C5AR2: variants seen among roughly 807,000 people sequenced by gnomAD.
C5AR2 encodes the protein complement C5a receptor 2, also known as C5a anaphylatoxin chemotactic receptor 2.
For missense variants in C5AR2, 458 were observed against 467.5 expected (o/e 0.98, Z 0.19); for synonymous variants, 224 against 216.5 (o/e 1.03, Z -0.30).
chr19:47,338,174 G>T (rs368606445), intron 1 of C5AR2, among the ~76,000 whole-genome samples: 2 of 152,084 alleles, frequency 1.3e-5, no homozygotes, highest in Non-Finnish European at 2.9e-5. Context: ...TACTCAGGGG[G>T]CAGAGGTGGG....
intron 1 of C5AR2, among the ~76,000 whole-genome samples, chr19:47,340,492 A>G (rs954963297): frequency 4.0e-5 from 6 of 151,728 alleles, no homozygotes; most frequent in African/African-American, 1.5e-4. Context: ...GGTGCCCGCC[A>G]CCACACCCAG....
In C5AR2 at chr19:47,341,831, GGTGT is replaced by G; in HGVS notation, c.*21_*24del. On this transcript the variant is annotated 3_prime_UTR_variant, in exon 2 of 2. Coordinates refer to ENST00000595464, the MANE Select transcript of C5AR2 (RefSeq NM_001271749.2). This position sits in a 1 kb window ranked among gnomAD's most constrained non-coding sequence, Gnocchi z 4.6. ...AGGTGTAGGCTGGAGAGACATTGTG[GGTGT>G]GTATCTTCTTATCTCATTTCACAAG... 1 of 1,608,288 alleles carries G rather than the reference GGTGT, an allele frequency of 6.2e-7. No homozygotes were observed. The highest frequency in any genetic ancestry group is 8.5e-7 in the Non-Finnish European group (1 of 1,176,024).
Position 47,341,088 on chromosome 19 carries a change from G to A in C5AR2, c.289G>A (p.Gly97Arg), listed in dbSNP as rs768588892. ...LPILAVPIARGGHWPYGAVGC... is the reference protein window; with the variant it reads ...LPILAVPIARRGHWPYGAVGC... ...CATCCTGGCAGTGCCCATTGCCCGTGGAGGCCACTGGCCGTATGGTGCAGT... is the reference window on the plus strand; with the variant it reads ...CATCCTGGCAGTGCCCATTGCCCGTAGAGGCCACTGGCCGTATGGTGCAGT... The change falls in exon 2 of 2, where the codon GGA becomes AGA. Residue 97 changes from glycine (G) to arginine (R), a missense_variant. Transcript: ENST00000595464. The surrounding 1 kb of genome is among the most constrained non-coding windows in gnomAD (Gnocchi z 4.6). The A allele has an allele frequency of 1.2e-6, 2 of 1,604,906 alleles. No homozygotes were observed. The highest frequency in any genetic ancestry group is 1.7e-6 in the Non-Finnish European group (2 of 1,179,900).
chr19:47,338,899 A>G (rs751482408), intron 1 of C5AR2, among the ~76,000 whole-genome samples: 21 of 152,100 alleles, frequency 1.4e-4, no homozygotes, highest in Non-Finnish European at 2.4e-4. Context: ...CACGCCTGTA[A>G]TCCCAGCACT....
chr19:47,333,472 A>T (rs997530920), intron 1 of C5AR2, among the ~76,000 whole-genome samples: 2 of 152,038 alleles, frequency 1.3e-5, no homozygotes, highest in South Asian at 4.1e-4. Flanking sequence ...ACATTCTGGC[A>T]CATGTATTCT....
chr19:47,341,067 C>T lies in C5AR2; in HGVS notation c.268C>T (p.Leu90=). The stretch of plus-strand genomic sequence containing the variant: ...GCTGTGCTGTTTGTCTCTGCCCATC[C>T]TGGCAGTGCCCATTGCCCGTGGAGG... ...DLLCCLSLPI[L]AVPIARGGHW... The change falls in exon 2 of 2, where the codon CTG becomes TTG. Residue 90 remains leucine, a synonymous_variant. Coordinates refer to ENST00000595464, the MANE Select transcript of C5AR2 (RefSeq NM_001271749.2). This position sits in a 1 kb window ranked among gnomAD's most constrained non-coding sequence, Gnocchi z 4.6. 6.2e-7 allele frequency: 1 copy of T among 1,605,888 alleles called. No individual in the cohort carries two copies. The highest frequency in any genetic ancestry group is 2.2e-5 in the East Asian group (1 of 44,894).
Position 47,340,782 on chromosome 19 carries a change from C to A in C5AR2, c.-15-3C>A. ...GTTTTCATCGTCTTTCTCTCCTGCC[C>A]AGACACCAGGAGCCTGAATGGGGAA... On this transcript the variant is annotated splice_region_variant and splice_polypyrimidine_tract_variant and intron_variant, in intron 1 of 1. Coordinates refer to ENST00000595464, the MANE Select transcript of C5AR2 (RefSeq NM_001271749.2). 2 of 1,612,846 alleles carry A rather than the reference C, an allele frequency of 1.2e-6. No homozygotes were observed. The highest frequency in any genetic ancestry group is 2.2e-5 in the South Asian group (2 of 91,056).
intron 1 of C5AR2, chr19:47,337,289 A>C (rs1381167714): frequency 6.6e-6 from 1 of 152,326 alleles, no homozygotes; most frequent in Non-Finnish European, 1.5e-5. Context: ...GCTGCCTGCC[A>C]GCTCTCCAGA....
At chr19:47,334,184 G>A (rs1047903803) in intron 1 of C5AR2, among the ~76,000 whole-genome samples, 2 of 152,102 alleles carry the variant, frequency 1.3e-5, no homozygotes, top group African/African-American at 4.8e-5. Context: ...TCAAGGGTTT[G>A]TGTTGAGGGT....
At chr19:47,336,502 TTTCTTTC>T (rs2059359141) in intron 1 of C5AR2, among the ~76,000 whole-genome samples, 1 of 147,794 alleles carries the variant, frequency 6.8e-6, no homozygotes. Context: ...TCTTTCTTTC[TTTCTTTC>T]TTTTTCTTTC....
At position 47,341,453 on chromosome 19, in the gene C5AR2, C is replaced by A. The variant is rs1334933146; in HGVS notation, c.654C>A (p.Ser218Arg). 2 of 1,611,986 alleles carry A rather than the reference C, an allele frequency of 1.2e-6. No homozygotes were observed. The highest frequency in any genetic ancestry group is 3.3e-5 in the Admixed American group (2 of 60,020). Residue 218 changes from serine (S) to arginine (R), a missense_variant, in exon 2 of 2, where the codon AGC (serine) becomes AGA (arginine). Ser to Arg is a moderately radical substitution (Grantham distance 110). Transcript: ENST00000595464. This position sits in a 1 kb window ranked among gnomAD's most constrained non-coding sequence, Gnocchi z 4.6. ...TGGGGCCCCTGGTGGCCGTGGCCAG[C>A]TGCCACAGTGCCCTCCTGTGCTGGG... ...GFLGPLVAVA[S>R]CHSALLCWAA...
chr19:47,336,568 C>T (rs879345414), intron 1 of C5AR2, among the ~76,000 whole-genome samples: 8 of 151,434 alleles, frequency 5.3e-5, no homozygotes, highest in Non-Finnish European at 8.8e-5. Flanking sequence ...AGTGCAGTGG[C>T]GCGATCATGG....
At position 47,342,614 on chromosome 19, in the gene C5AR2, C is replaced by G. The variant is rs1969059372; in HGVS notation, c.*801C>G. 1.3e-5 allele frequency: 2 copies of G among 152,038 alleles called. No homozygotes were observed. Among genetic ancestry groups the G allele is most frequent in the African/African-American group, 2.4e-5 (1 of 41,514 alleles). 9.4% of individuals were successfully genotyped at this position (152,038 alleles called of 1,614,324 possible). A position where few individuals can be genotyped will look rare whatever the true frequency, so the allele number is the denominator to read the frequency against. The stretch of plus-strand genomic sequence containing the variant: ...GCCAGGATGGTCTTGATCTCCTGAC[C>G]TGGTGATCCACCCGCCTCAGCCTCC... On this transcript the variant is annotated 3_prime_UTR_variant, in exon 2 of 2. Coordinates refer to ENST00000595464, the MANE Select transcript of C5AR2 (RefSeq NM_001271749.2).
chr19:47,342,078 T>C lies in C5AR2; in HGVS notation c.*265T>C, dbSNP rs1969048537. The C allele has an allele frequency of 2.5e-6, 1 of 403,498 alleles. No homozygotes were observed. Among genetic ancestry groups the C allele is most frequent in the East Asian group, 4.7e-5 (1 of 21,388 alleles). 25.0% of individuals were successfully genotyped at this position (403,498 alleles called of 1,614,324 possible). Reference sequence around the variant, plus strand: ...CTATAAACAAAGATATATAGGGCCATTTGCGGTGGCTCACGCCTGTAATTC... The same window carrying C: ...CTATAAACAAAGATATATAGGGCCACTTGCGGTGGCTCACGCCTGTAATTC... On this transcript the variant is annotated 3_prime_UTR_variant, in exon 2 of 2. Transcript: ENST00000595464.
At chr19:47,333,602 TTTG>T in intron 1 of C5AR2, among the ~76,000 whole-genome samples, 1 of 150,232 alleles carries the variant, frequency 6.7e-6, no homozygotes, top group African/African-American at 2.5e-5. Context: ...TTTTTTTTTT[TTTG>T]AGATGGAGTC....
At position 47,342,277 on chromosome 19, in the gene C5AR2, A is replaced by G. The variant is rs141494282; in HGVS notation, c.*464A>G. The G allele has an allele frequency of 0.011, 1,744 of 153,110 alleles. 25 individuals are homozygous for G. The highest frequency in any genetic ancestry group is 0.085 in the Middle Eastern group (25 of 294). 9.5% of individuals were successfully genotyped at this position (153,110 alleles called of 1,614,324 possible). A position where few individuals can be genotyped will look rare whatever the true frequency, so the allele number is the denominator to read the frequency against. On this transcript the variant is annotated 3_prime_UTR_variant, in exon 2 of 2. Transcript: ENST00000595464. Reference sequence around the variant, plus strand: ...GGCTGAGGCAGAAGAATCGTTTTGAACCCGGGAGGCAGAGGTGACAGTGAG... The same window carrying G: ...GGCTGAGGCAGAAGAATCGTTTTGAGCCCGGGAGGCAGAGGTGACAGTGAG...
rs772570187 is a variant in C5AR2, at chr19:47,341,569, C to A, written c.770C>A (p.Thr257Asn). The stretch of plus-strand genomic sequence containing the variant: ...TACCACCTGCTGGGGCTGGTGCTCA[C>A]TGTGGCGGCCCCGAACTCCGCACTC... ...APYHLLGLVL[T>N]VAAPNSALLA... The change falls in exon 2 of 2, where the codon ACT becomes AAT. Residue 257 changes from threonine (T) to asparagine (N), a missense_variant. Coordinates refer to ENST00000595464, the MANE Select transcript of C5AR2 (RefSeq NM_001271749.2). The surrounding 1 kb of genome is among the most constrained non-coding windows in gnomAD (Gnocchi z 4.6). The A allele has an allele frequency of 1.2e-6, 2 of 1,613,596 alleles. No homozygotes were observed. Among genetic ancestry groups the A allele is most frequent in the Admixed American group, 1.7e-5 (1 of 60,008 alleles).
At chr19:47,336,455 T>G (rs2059358319) in intron 1 of C5AR2, among the ~76,000 whole-genome samples, 5 of 138,522 alleles carry the variant, frequency 3.6e-5, no homozygotes, top group Non-Finnish European at 7.6e-5. Flanking sequence ...CTTCCTTCCT[T>G]CCTTCCTTCC....
chr19:47,344,657 T>C lies in C5AR2; in HGVS notation c.*2844T>C, dbSNP rs1285544676. 6.6e-6 allele frequency: 1 copy of C among 152,180 alleles called. No individual in the cohort carries two copies. Among genetic ancestry groups the C allele is most frequent in the East Asian group, 1.9e-4 (1 of 5,206 alleles). 9.4% of individuals were successfully genotyped at this position (152,180 alleles called of 1,614,324 possible). On this transcript the variant is annotated 3_prime_UTR_variant, in exon 2 of 2. Coordinates refer to ENST00000595464, the MANE Select transcript of C5AR2 (RefSeq NM_001271749.2). ...ACTTCCTCCAGGAAGCCCTCCCTGA[T>C]TTATGCTCCTTCCAGAAAGAATGGG...
Sources: allele counts gnomAD v4.1 joint callset (sites outside exome capture counted in the v4.1 genomes callset), GRCh38; gene constraint gnomAD v4.1.1; non-coding constraint Gnocchi (gnomAD v3.1); transcripts MANE v1.5; gene names NCBI Gene and HGNC (gene_info 2026-07-23, HGNC 2026-07-21).